The following MBNL3 variants were observed in gnomAD, a reference collection of about 807,000 sequenced individuals.
MBNL3 encodes the protein muscleblind-like protein 3.
A neutral mutation model predicts 24.5 loss-of-function variants in MBNL3; 6 were observed. The observed-to-expected ratio is 0.25, with a 90% CI of 0.13 to 0.48. MBNL3 has a LOEUF of 0.48. MBNL3 is among the 20% of genes least tolerant of loss of function. The pLI, the probability that MBNL3 is intolerant of heterozygous loss-of-function variation, is 0.99. For missense variants in MBNL3, 230 were observed against 293.5 expected, an observed-to-expected ratio of 0.78 and a Z score of 1.58; for synonymous variants, 100 against 101.7, an observed-to-expected ratio of 0.98 and a Z score of 0.10.
chrX:132,430,286 C>T (rs1556339306), intron 2 of MBNL3: 1 of 110,998 alleles, frequency 9.0e-6, no homozygotes, highest in East Asian at 2.8e-4. Flanking sequence ...CCCTGTATAC[C>T]CTTCACCCAG....
At chrX:132,397,661 G>A (rs902905658) in intron 3 of MBNL3, among the ~76,000 whole-genome samples, 2 of 111,474 alleles carry the variant, frequency 1.8e-5, no homozygotes, top group African/African-American at 6.5e-5. Flanking sequence ...TCATTTGCAA[G>A]CATTTATATA....
intron 2 of MBNL3, among the ~76,000 whole-genome samples, chrX:132,427,933 A>AT (rs1255481529): frequency 9.0e-6 from 1 of 111,358 alleles, no homozygotes; most frequent in African/African-American, 3.3e-5. Flanking sequence ...ACATTTTCAA[A>AT]TTTTTGTACA....
intron 3 of MBNL3, among the ~76,000 whole-genome samples, chrX:132,400,376 T>C (rs1940669364): frequency 9.0e-6 from 1 of 111,525 alleles, no homozygotes; most frequent in African/African-American, 3.3e-5. Flanking sequence ...CTAGGGGATT[T>C]ATTTTGTTTT....
At chrX:132,391,796 C>T (rs1189504956) in intron 4 of MBNL3, among the ~76,000 whole-genome samples, 1 of 111,655 alleles carries the variant, frequency 9.0e-6, no homozygotes, top group Non-Finnish European at 1.9e-5. Flanking sequence ...ATATTGTCTA[C>T]TTTTTTCCCA....
Position 132,406,274 on chromosome X carries a change from G to T in MBNL3, c.296C>A (p.Ala99Asp). The stretch of plus-strand genomic sequence containing the variant: ...TTGGAGCATAAGCTGCATCTGCTGG[G>T]CGAACATGGCTGCGGCAGTCTTCTG... ...IQQKTAAAMF[A>D]QQMQLMLQNA... Residue 99 changes from alanine to aspartate, a missense_variant, in exon 3 of 9, where the codon GCC becomes GAC. By Grantham distance (126) the Ala-to-Asp change is moderately radical (BLOSUM62 -2). Transcript: ENST00000370853. 1 of 1,211,754 alleles carries T rather than the reference G, an allele frequency of 8.3e-7. No individual in the cohort carries two copies. The highest frequency in any genetic ancestry group is 1.1e-6 in the Non-Finnish European group (1 of 895,430).
chrX:132,387,552 G>T lies in MBNL3; in HGVS notation c.772-741C>A, dbSNP rs1603068012. On this transcript the variant is annotated intron_variant, in intron 5 of 8. Transcript: ENST00000370853. Reference sequence around the variant, plus strand: ...CCAATACAGATCTAGGACATAAATGGCATATAGGTGATAAAACAGATGTTG... The same window carrying T: ...CCAATACAGATCTAGGACATAAATGTCATATAGGTGATAAAACAGATGTTG... 2.7e-5 allele frequency among the ~76,000 whole-genome samples: 3 copies of T among 110,958 alleles called. No individual in the cohort carries two copies. In the South Asian group the frequency reaches 1.1e-3, roughly 43 times the overall value.
In MBNL3 at chrX:132,413,621, G is replaced by A. The variant is rs1044908111; in HGVS notation, c.178-7229C>T. 4 of 1,065,407 alleles carry A rather than the reference G, an allele frequency of 3.8e-6. No homozygotes were observed. In the African/African-American group the frequency reaches 5.7e-5, roughly 15 times the overall value. 87.8% of individuals were successfully genotyped at this position (1,065,407 alleles called of 1,213,427 possible). A position where few individuals can be genotyped will look rare whatever the true frequency, so the allele number is the denominator to read the frequency against. ...AGGAAATTTAAGGAAGTTGACTGTT[G>A]GAGACAGCAATTTTTGATCCATAGC... On this transcript the variant is annotated intron_variant, in intron 2 of 8. Coordinates refer to ENST00000370853, the MANE Select transcript of MBNL3 (RefSeq NM_001386889.1).
chrX:132,407,703 C>A (rs1942047971), intron 2 of MBNL3, among the ~76,000 whole-genome samples: 1 of 111,370 alleles, frequency 9.0e-6, no homozygotes, highest in Non-Finnish European at 1.9e-5. Context: ...CATAAATGTA[C>A]CCCTAAGAGA....
chrX:132,447,603 G>T (rs1003737314), intron 1 of MBNL3, among the ~76,000 whole-genome samples: 3 of 112,093 alleles, frequency 2.7e-5, no homozygotes, highest in Non-Finnish European at 5.6e-5. Flanking sequence ...CATTGATTTT[G>T]TATCCTGAGA....
At chrX:132,475,244 C>G (rs946663583) in intron 1 of MBNL3, among the ~76,000 whole-genome samples, 1 of 112,208 alleles carries the variant, frequency 8.9e-6, no homozygotes, top group African/African-American at 3.2e-5. Context: ...CTTCCTGTTT[C>G]TCCTATCCTA....
chrX:132,437,621 C>T (rs1250720354), intron 2 of MBNL3, among the ~76,000 whole-genome samples: 1 of 110,671 alleles, frequency 9.0e-6, no homozygotes, highest in Admixed American at 9.6e-5. Context: ...GGGACTGTAC[C>T]CCAGATCTCC....
rs193145252 is a variant in MBNL3 at position 132,373,685 on chromosome X, T to G, written c.*5981A>C. The G allele has an allele frequency of 1.8e-5, 2 of 112,059 alleles. No homozygotes were observed. The highest frequency in any genetic ancestry group is 5.6e-4 in the East Asian group (2 of 3,574). 9.2% of individuals were successfully genotyped at this position (112,059 alleles called of 1,213,427 possible). A position where few individuals can be genotyped will look rare whatever the true frequency, so the allele number is the denominator to read the frequency against. On this transcript the variant is annotated 3_prime_UTR_variant, in exon 9 of 9. Transcript: ENST00000370853. ...GCTTAACCTTTCTAACCTTGACCTC[T>G]TCTAGGCCTCATTGCCTGGGGGCAA...
intron 2 of MBNL3, among the ~76,000 whole-genome samples, chrX:132,412,267 G>A (rs953722229): frequency 3.6e-5 from 4 of 111,130 alleles, no homozygotes; most frequent in Non-Finnish European, 7.6e-5. Context: ...GGGCCCCACC[G>A]GACGAATAAA....
At chrX:132,438,831 T>A (rs1022304212) in intron 2 of MBNL3, among the ~76,000 whole-genome samples, 8 of 106,774 alleles carry the variant, frequency 7.5e-5, no homozygotes, top group African/African-American at 2.7e-4. Flanking sequence ...TGGTCAATCA[T>A]CTGTCCAGGA....
At chrX:132,467,182 G>A (rs1477620091) in intron 1 of MBNL3, among the ~76,000 whole-genome samples, 1 of 111,532 alleles carries the variant, frequency 9.0e-6, no homozygotes, top group Non-Finnish European at 1.9e-5. Flanking sequence ...AGATTTTCCA[G>A]GAAGCCAACT....
At chrX:132,483,963 CAG>C (rs1947873460) in intron 1 of MBNL3, among the ~76,000 whole-genome samples, 1 of 112,203 alleles carries the variant, frequency 8.9e-6, no homozygotes. Flanking sequence ...CAGGAGGCAT[CAG>C]AGTCACAGTA....
intron 3 of MBNL3, among the ~76,000 whole-genome samples, chrX:132,402,059 T>G (rs1020020418): frequency 2.7e-5 from 3 of 111,910 alleles, no homozygotes; most frequent in Non-Finnish European, 3.8e-5. Flanking sequence ...GGTTTGGAAC[T>G]CGGTAACTTA....
At chrX:132,458,932 T>C (rs1946505807) in intron 1 of MBNL3, among the ~76,000 whole-genome samples, 1 of 107,693 alleles carries the variant, frequency 9.3e-6, no homozygotes, top group Non-Finnish European at 1.9e-5. Flanking sequence ...ATGGTTGAAA[T>C]ATCTTCTTCT....
chrX:132,384,700 T>C lies in MBNL3; in HGVS notation c.923-2A>G. On this transcript the variant is annotated splice_acceptor_variant, in intron 6 of 8. Coordinates refer to ENST00000370853, the MANE Select transcript of MBNL3 (RefSeq NM_001386889.1). LOFTEE classifies it high-confidence loss of function. ...CGGGTGCCATGCACAGTATTGGCCC[T>C]GTACACCACGCAGAAAAGCGTGGAA... 1.7e-6 allele frequency: 2 copies of C among 1,161,892 alleles called. No homozygotes were observed. Among genetic ancestry groups the C allele is most frequent in the Non-Finnish European group, 2.3e-6 (2 of 867,726 alleles).
Sources: allele counts gnomAD v4.1 joint callset (sites outside exome capture counted in the v4.1 genomes callset), GRCh38; gene constraint gnomAD v4.1.1; transcripts MANE v1.5; gene names NCBI Gene and HGNC (gene_info 2026-07-23, HGNC 2026-07-21).